EXOC4: variants seen among roughly 807,000 people sequenced by gnomAD.
The protein encoded by EXOC4 is exocyst complex component 4, also known as SEC8-like 1.
A neutral mutation model predicts 107.2 loss-of-function variants in EXOC4; 71 were observed. That is an observed-to-expected ratio of 0.66 (90% CI 0.55 to 0.81). EXOC4 has a LOEUF of 0.81. Ranked by LOEUF, EXOC4 falls within the 30% of genes least tolerant of loss-of-function variation. EXOC4 has a pLI of 0.00. For synonymous variants in EXOC4, 456 were observed against 441.2 expected (o/e 1.03, Z -0.42); for missense variants, 1,108 against 1,189.6 (o/e 0.93, Z 1.01).
At chr7:133,547,561 T>C (rs1800505746) in intron 9 of EXOC4, among the ~76,000 whole-genome samples, 1 of 152,220 alleles carries the variant, frequency 6.6e-6, no homozygotes. Context: ...TCTTTCAACA[T>C]TGGAGTCAAT....
chr7:133,677,370 A>T (rs1437244205), intron 10 of EXOC4, among the ~76,000 whole-genome samples: 2 of 152,140 alleles, frequency 1.3e-5, no homozygotes, highest in Admixed American at 1.3e-4. Context: ...TCATCTTTAG[A>T]CACTTCCATC....
chr7:133,588,042 T>C (rs1801447443), intron 9 of EXOC4, among the ~76,000 whole-genome samples: 1 of 152,244 alleles, frequency 6.6e-6, no homozygotes. Flanking sequence ...TTCCTGACAT[T>C]TTTACTATTG....
At chr7:133,274,109 C>T (rs1793935660) in intron 1 of EXOC4, among the ~76,000 whole-genome samples, 1 of 152,222 alleles carries the variant, frequency 6.6e-6, no homozygotes, top group Admixed American at 6.5e-5. Context: ...ATATCTATCT[C>T]ATTCCCTGGT....
chr7:133,551,290 G>A (rs964823281), intron 9 of EXOC4, among the ~76,000 whole-genome samples: 4 of 151,798 alleles, frequency 2.6e-5, no homozygotes, highest in Non-Finnish European at 5.9e-5. Flanking sequence ...CTGAATTCTT[G>A]GACTAAACGT....
intron 13 of EXOC4, among the ~76,000 whole-genome samples, chr7:133,935,231 T>C (rs1203018333): frequency 6.6e-6 from 1 of 151,982 alleles, no homozygotes; most frequent in Non-Finnish European, 1.5e-5. Context: ...GTGGCTTCAT[T>C]CCATGAAGAG....
chr7:133,756,670 G>T (rs1795924444), intron 10 of EXOC4, among the ~76,000 whole-genome samples: 5 of 152,118 alleles, frequency 3.3e-5, no homozygotes, highest in Admixed American at 3.3e-4. Flanking sequence ...CTAAGCACAG[G>T]AAAGAAAAAT....
intron 7 of EXOC4, among the ~76,000 whole-genome samples, chr7:133,376,963 C>T (rs879260737): frequency 5.3e-5 from 8 of 152,162 alleles, no homozygotes; most frequent in Non-Finnish European, 1.0e-4. Flanking sequence ...AACAAAGCAC[C>T]TGCAATGTCT....
chr7:134,064,670 G>A lies in EXOC4; in HGVS notation c.*142G>A, dbSNP rs911943630. 40 of 562,502 alleles carry A rather than the reference G, an allele frequency of 7.1e-5. No homozygotes were observed. The highest frequency in any genetic ancestry group is 7.1e-4 in the African/African-American group (37 of 52,258). 34.8% of individuals were successfully genotyped at this position (562,502 alleles called of 1,614,324 possible). On this transcript the variant is annotated 3_prime_UTR_variant, in exon 18 of 18. Coordinates refer to ENST00000253861, the MANE Select transcript of EXOC4 (RefSeq NM_021807.4). ...GGAGGTGTAAGGATTCTTTCTCTCT[G>A]GTTTTGGCTTTTCATATAAATGCTA...
At chr7:133,839,628 A>G (rs1797985135) in intron 11 of EXOC4, among the ~76,000 whole-genome samples, 1 of 152,204 alleles carries the variant, frequency 6.6e-6, no homozygotes, top group Non-Finnish European at 1.5e-5. Flanking sequence ...AATTCTTTTG[A>G]GCTTTAAGGT....
At chr7:134,062,553 C>T (rs1007385179) in intron 17 of EXOC4, among the ~76,000 whole-genome samples, 16 of 152,184 alleles carry the variant, frequency 1.1e-4, no homozygotes, top group Non-Finnish European at 2.1e-4. Flanking sequence ...AAGATTGCTT[C>T]GTCTCCAAGA....
At chr7:133,932,596 A>G (rs1437648847) in intron 13 of EXOC4, among the ~76,000 whole-genome samples, 1 of 152,198 alleles carries the variant, frequency 6.6e-6, no homozygotes, top group Non-Finnish European at 1.5e-5. Flanking sequence ...TTGCCAAACC[A>G]TTCAAAAGTA....
intron 7 of EXOC4, among the ~76,000 whole-genome samples, chr7:133,452,980 T>C (rs1451310713): frequency 1.4e-5 from 2 of 141,296 alleles, no homozygotes; most frequent in Non-Finnish European, 3.1e-5. Flanking sequence ...CCTTTTGTCC[T>C]CCCTCTGCCA....
intron 14 of EXOC4, among the ~76,000 whole-genome samples, chr7:133,941,521 C>G (rs1800427635): frequency 6.6e-6 from 1 of 152,146 alleles, no homozygotes; most frequent in African/African-American, 2.4e-5. Context: ...AAATGTTTCT[C>G]TATCTCCTTT....
intron 17 of EXOC4, among the ~76,000 whole-genome samples, chr7:134,008,216 G>A (rs1193483236): frequency 6.6e-6 from 1 of 152,120 alleles, no homozygotes; most frequent in Non-Finnish European, 1.5e-5. Flanking sequence ...TTTTGCATGT[G>A]CTGTGTTGTT....
chr7:133,324,227 C>G (rs1214706381), intron 5 of EXOC4, among the ~76,000 whole-genome samples: 1 of 152,068 alleles, frequency 6.6e-6, no homozygotes, highest in Admixed American at 6.6e-5. Flanking sequence ...CTGCTCTGAT[C>G]TTAGTTATTT....
intron 14 of EXOC4, among the ~76,000 whole-genome samples, chr7:133,990,777 G>A (rs1271706520): frequency 6.6e-6 from 1 of 152,068 alleles, no homozygotes; most frequent in Non-Finnish European, 1.5e-5. Context: ...TTTTATGGGT[G>A]AATAATATTC....
intron 9 of EXOC4, chr7:133,551,565 A>G (rs1454787191): frequency 1.3e-5 from 2 of 152,190 alleles, no homozygotes; most frequent in Non-Finnish European, 1.5e-5. Context: ...TTAAAATGTG[A>G]ATATTCTAGA....
chr7:134,044,200 T>A (rs984257860), intron 17 of EXOC4, among the ~76,000 whole-genome samples: 1 of 152,126 alleles, frequency 6.6e-6, no homozygotes, highest in Non-Finnish European at 1.5e-5. Flanking sequence ...TCCACCAATA[T>A]CCAGGTCATG....
chr7:133,802,983 A>G (rs1796984753), intron 10 of EXOC4, among the ~76,000 whole-genome samples: 1 of 152,160 alleles, frequency 6.6e-6, no homozygotes, highest in Non-Finnish European at 1.5e-5. Context: ...TTCTAAAGAC[A>G]TTAATAAGTG....
Sources: gnomAD v4.1 joint callset for allele counts (sites outside exome capture counted in the v4.1 genomes callset) on GRCh38, gnomAD v4.1.1 for gene constraint, MANE v1.5 for transcripts, NCBI Gene and HGNC (gene_info 2026-07-23, HGNC 2026-07-21) for gene names.